KRT5: variants seen among roughly 807,000 people sequenced by gnomAD.
KRT5 encodes keratin, type II cytoskeletal 5.
KRT5 carries 17 observed loss-of-function variants against 44.0 expected under a neutral mutation model. That is an observed-to-expected ratio of 0.39 (90% CI 0.26 to 0.58). The LOEUF (loss-of-function observed/expected upper bound fraction) is 0.58, where lower values mean the gene tolerates loss of function less well. KRT5 is among the 20% of genes least tolerant of loss of function. The pLI is 0.61. For synonymous variants in KRT5, 329 were observed against 312.8 expected (o/e 1.05, Z -0.55); for missense variants, 737 against 785.5 (o/e 0.94, Z 0.74).
In KRT5 at chr12:52,515,810, G is replaced by C; in HGVS notation, c.1462C>G (p.Pro488Ala). ...CAAAGCTACTTACAGATGTTGACTG[G>C]TCCAACTCCTTCTCCACTGAGTCTG... ...ECRLSGEGVG[P>A]VNISVVTSSV... Residue 488 changes from proline (P) to alanine (A), a missense_variant, in exon 8 of 9, where the codon CCA (proline) becomes GCA (alanine). Physicochemically the swap from Pro to Ala is conservative, Grantham distance 27. Transcript: ENST00000252242. 1 of 1,613,086 alleles carries C rather than the reference G, an allele frequency of 6.2e-7. No homozygotes were observed. Among genetic ancestry groups the C allele is most frequent in the Non-Finnish European group, 8.5e-7 (1 of 1,179,050 alleles).
At position 52,517,932 on chromosome 12, in the gene KRT5, C is replaced by T; in HGVS notation, c.892G>A (p.Asp298Asn). ...ELEAKVDALMDEINFMKMFFD... is the reference protein window; with the variant it reads ...ELEAKVDALMNEINFMKMFFD... Reference sequence around the variant, plus strand: ...AACATCTTCATGAAGTTAATCTCATCCATCAGTGCATCAACCTTGGCCTCC... The same window carrying T: ...AACATCTTCATGAAGTTAATCTCATTCATCAGTGCATCAACCTTGGCCTCC... Residue 298 changes from aspartate to asparagine, a missense_variant, in exon 4 of 9, where the codon GAT becomes AAT. Asp to Asn is a conservative substitution (Grantham distance 23, BLOSUM62 1). Coordinates refer to ENST00000252242, the MANE Select transcript of KRT5 (RefSeq NM_000424.4). 6.2e-7 allele frequency: 1 copy of T among 1,614,208 alleles called. No homozygotes were observed. Among genetic ancestry groups the T allele is most frequent in the Admixed American group, 1.7e-5 (1 of 60,034 alleles).
Position 52,520,263 on chromosome 12 carries a change from C to T in KRT5, c.34G>A (p.Gly12Arg), listed in dbSNP as rs751876144. ...SRQSSVSFRSGGSRSFSTASA... is the reference protein window; with the variant it reads ...SRQSSVSFRSRGSRSFSTASA... ...GCGGTGCTGAAGCTACGACTGCCCCCGCTCCGGAAGGACACACTTGACTGG... is the reference window on the plus strand; with the variant it reads ...GCGGTGCTGAAGCTACGACTGCCCCTGCTCCGGAAGGACACACTTGACTGG... The change falls in exon 1 of 9, where the codon GGG (glycine) becomes AGG (arginine). Residue 12 changes from glycine to arginine, a missense_variant. Coordinates refer to ENST00000252242, the MANE Select transcript of KRT5 (RefSeq NM_000424.4). 3.6e-5 allele frequency: 58 copies of T among 1,613,674 alleles called. No homozygotes were observed. The highest frequency in any genetic ancestry group is 1.8e-4 in the East Asian group (8 of 44,890).
In KRT5 at chr12:52,515,187, C is replaced by T. The variant is rs1267846830; in HGVS notation, c.1528G>A (p.Gly510Ser). 2.1e-5 allele frequency: 34 copies of T among 1,611,764 alleles called. No individual in the cohort carries two copies. Among genetic ancestry groups the T allele is most frequent in the East Asian group, 1.3e-4 (6 of 44,870 alleles). Residue 510 changes from glycine to serine, a missense_variant, in exon 9 of 9, where the codon GGT becomes AGT. Coordinates refer to ENST00000252242, the MANE Select transcript of KRT5 (RefSeq NM_000424.4). ...SGYGSGSGYG[G>S]GLGGGLGGGL... The stretch of plus-strand genomic sequence containing the variant: ...CCGCCAAGACCTCCACCGAGGCCAC[C>T]GCCATAGCCACTGCCACTGCCATAT...
chr12:52,518,330 C>A (rs1341667565), intron 2 of KRT5, 167 bp from the exon 3 acceptor site: 7 of 715,322 alleles, frequency 9.8e-6, no homozygotes, highest in African/African-American at 1.7e-5. Context: ...AAGGTCCCTC[C>A]CCATTTAAAT....
At position 52,514,772 on chromosome 12, in the gene KRT5, G is replaced by T; in HGVS notation, c.*170C>A. 1.5e-6 allele frequency: 1 copy of T among 646,506 alleles called. No individual in the cohort carries two copies. The allele number at this position is 646,506 out of a possible 1,614,324, so 40.0% of individuals were successfully genotyped here. ...TATAGAACTGCGGCACGGGAGACCA[G>T]GGGCTGGGAATGGGGCTCTCCTGGG... On this transcript the variant is annotated 3_prime_UTR_variant, in exon 9 of 9. Transcript: ENST00000252242.
rs1412370087 is a variant in KRT5, at chr12:52,519,312, G to A, written c.556-152C>T. 6 of 1,202,764 alleles carry A rather than the reference G, an allele frequency of 5.0e-6. No individual in the cohort carries two copies. The African/African-American group carries it at 6.0e-5, about 12-fold the overall frequency. The allele number at this position is 1,202,764 out of a possible 1,614,324, so 74.5% of individuals were successfully genotyped here. ...CCCCAGGAGGGGAGGTGCAGACTGA[G>A]GCACCCAAACTCACTTTTCCAGGGG... On this transcript the variant is annotated intron_variant, in intron 1 of 8. Transcript: ENST00000252242.
At chr12:52,516,898 G>T in intron 6 of KRT5, 41 bp from the exon 7 acceptor site, 1 of 1,606,060 alleles carries the variant, frequency 6.2e-7, no homozygotes. Context: ...CTTGGGACCT[G>T]AGGTGTCTCC....
At chr12:52,515,561 G>C in intron 8 of KRT5, 1 of 629,756 alleles carries the variant, frequency 1.6e-6, no homozygotes, top group Non-Finnish European at 2.8e-6. Context: ...GCAGGGGACA[G>C]GGTCCAAGAA....
At position 52,520,178 on chromosome 12, in the gene KRT5, C is replaced by A. The variant is rs749140215; in HGVS notation, c.119G>T (p.Gly40Val). The A allele has an allele frequency of 3.1e-6, 5 of 1,613,790 alleles. No individual in the cohort carries two copies. Among genetic ancestry groups the A allele is most frequent in the African/African-American group, 2.7e-5 (2 of 74,924 alleles). ...CCTGCCGAAGCCACCACCACCGCCA[C>A]CCCCGGACCGGGACACGGAGGTGAA... ...TSFTSVSRSGGGGGGGFGRVS... is the reference protein window; with the variant it reads ...TSFTSVSRSGVGGGGGFGRVS... The change falls in exon 1 of 9, where the codon GGT becomes GTT. Residue 40 changes from glycine to valine, a missense_variant. Coordinates refer to ENST00000252242, the MANE Select transcript of KRT5 (RefSeq NM_000424.4).
chr12:52,516,752 C>T lies in KRT5; in HGVS notation c.1324G>A (p.Ala442Thr). 6.2e-7 allele frequency: 1 copy of T among 1,614,224 alleles called. No homozygotes were observed. Among genetic ancestry groups the T allele is most frequent in the East Asian group, 2.2e-5 (1 of 44,878 alleles). Residue 442 changes from alanine (A) to threonine (T), a missense_variant, in exon 7 of 9, where the codon GCC becomes ACC. By Grantham distance (58) the Ala-to-Thr change is moderately conservative (BLOSUM62 0). This residue lies in a region of KRT5 where 344 missense variants were observed against 351.6 expected (regional missense o/e 0.98). Transcript: ENST00000252242. ...LAELEEALQK[A>T]KQDMARLLRE... ...AGCAGCCGGGCCATGTCCTGCTTGG[C>T]CTTCTGCAGGGCCTCCTCCAGCTCG... is the stretch of plus-strand genomic sequence containing the variant.
At position 52,519,792 on chromosome 12, in the gene KRT5, G is replaced by T. The variant is rs746285968; in HGVS notation, c.505C>A (p.Arg169Ser). Residue 169 changes from arginine (R) to serine (S), a missense_variant, in exon 1 of 9, where the codon CGC (arginine) becomes AGC (serine). Coordinates refer to ENST00000252242, the MANE Select transcript of KRT5 (RefSeq NM_000424.4). ...PSIQRVRTEE[R>S]EQIKTLNNKF... ...TTGTTGAGGGTCTTGATCTGCTCGCGCTCCTCGGTCCTCACCCTCTGGATG... is the reference window on the plus strand; with the variant it reads ...TTGTTGAGGGTCTTGATCTGCTCGCTCTCCTCGGTCCTCACCCTCTGGATG... 6.2e-7 allele frequency: 1 copy of T among 1,613,834 alleles called. No homozygotes were observed. The highest frequency in any genetic ancestry group is 8.5e-7 in the Non-Finnish European group (1 of 1,180,016).
chr12:52,516,967 C>A, intron 6 of KRT5, 110 bp from the exon 7 acceptor site: 1 of 1,508,770 alleles, frequency 6.6e-7, no homozygotes. Flanking sequence ...GAAACCAGTA[C>A]ATCGTGGGTG....
chr12:52,518,876 T>G (rs1938661204), intron 2 of KRT5, 70 bp downstream of exon 2: 5 of 1,577,682 alleles, frequency 3.2e-6, no homozygotes, highest in Non-Finnish European at 4.4e-6. Context: ...GGTAGTAGAC[T>G]AGTAACAAAG....
rs1163165283 is a variant in KRT5 at position 52,516,513 on chromosome 12, T to C, written c.1439+124A>G. 4.1e-6 allele frequency: 4 copies of C among 975,050 alleles called. No homozygotes were observed. The African/African-American group carries it at 4.8e-5, about 12-fold the overall frequency. The allele number at this position is 975,050 out of a possible 1,614,324, so 60.4% of individuals were successfully genotyped here. A position where few individuals can be genotyped will look rare whatever the true frequency, so the allele number is the denominator to read the frequency against. Reference sequence around the variant, plus strand: ...ATGGCCATGAGTCAGACTGAAATAGTGTTGATGATGTGTCATTATCACGCA... The same window carrying C: ...ATGGCCATGAGTCAGACTGAAATAGCGTTGATGATGTGTCATTATCACGCA... On this transcript the variant is annotated intron_variant, in intron 7 of 8. Transcript: ENST00000252242.
Position 52,516,754 on chromosome 12 carries a change from T to A in KRT5, c.1322A>T (p.Lys441Met). The A allele has an allele frequency of 6.2e-7, 1 of 1,614,214 alleles. No homozygotes were observed. The highest frequency in any genetic ancestry group is 8.5e-7 in the Non-Finnish European group (1 of 1,180,028). Residue 441 changes from lysine (K) to methionine (M), a missense_variant, in exon 7 of 9, where the codon AAG becomes ATG. Physicochemically the swap from Lys to Met is moderately conservative, Grantham distance 95 (BLOSUM62 -1). Coordinates refer to ENST00000252242, the MANE Select transcript of KRT5 (RefSeq NM_000424.4). ...CAGCCGGGCCATGTCCTGCTTGGCC[T>A]TCTGCAGGGCCTCCTCCAGCTCGGC... ...KLAELEEALQ[K>M]AKQDMARLLR... is the part of the protein sequence containing the mutation.
chr12:52,517,053 G>T, intron 6 of KRT5, 54 bp downstream of exon 6: 4 of 1,605,818 alleles, frequency 2.5e-6, no homozygotes, highest in Admixed American at 3.3e-5. Context: ...AACAAAGTAG[G>T]TGTTTCTTTT....
chr12:52,519,825 C>T lies in KRT5; in HGVS notation c.472G>A (p.Asp158Asn), dbSNP rs763608512. Residue 158 changes from aspartate to asparagine, a missense_variant, in exon 1 of 9, where the codon GAC becomes AAC. By Grantham distance (23) the Asp-to-Asn change is conservative. Around this residue, in one of 5 missense-constraint regions of KRT5, gnomAD observed 326 missense variants for 333.1 expected, o/e 0.98. Transcript: ENST00000252242. ...SLLTPLNLQI[D>N]PSIQRVRTEE... ...GTCCTCACCCTCTGGATGCTGGGGTCGATTTGCAGGTTGAGGGGAGTCAGG... is the reference window on the plus strand; with the variant it reads ...GTCCTCACCCTCTGGATGCTGGGGTTGATTTGCAGGTTGAGGGGAGTCAGG... The T allele has an allele frequency of 2.2e-5, 35 of 1,613,924 alleles. No homozygotes were observed. The highest frequency in any genetic ancestry group is 2.8e-5 in the Non-Finnish European group (33 of 1,179,994).
intron 7 of KRT5, chr12:52,516,168 G>A: frequency 2.1e-6 from 1 of 467,184 alleles, no homozygotes. Flanking sequence ...GGCACGGACA[G>A]AAATTCCTCC....
At chr12:52,516,188 T>G (rs1019433298) in intron 7 of KRT5, 21 of 441,904 alleles carry the variant, frequency 4.8e-5, no homozygotes, top group Non-Finnish European at 8.7e-5. Flanking sequence ...CAACAGAAAG[T>G]AGGCAATGGG....
Sources: gnomAD v4.1 joint callset for allele counts on GRCh38, gnomAD v4.1.1 for gene constraint, gnomAD v4.1.1 regional missense constraint, MANE v1.5 for transcripts, NCBI Gene and HGNC (gene_info 2026-07-23, HGNC 2026-07-21) for gene names.